The following CASKIN1 variants were observed in gnomAD, a reference collection of about 807,000 sequenced individuals.
CASKIN1 encodes CASK interacting protein 1.
A neutral mutation model predicts 117.5 loss-of-function variants in CASKIN1; 42 were observed. That is an observed-to-expected ratio of 0.36 (90% CI 0.28 to 0.46). The LOEUF (loss-of-function observed/expected upper bound fraction) is 0.46. Ranked by LOEUF, CASKIN1 falls within the 20% of genes least tolerant of loss-of-function variation. CASKIN1 has a pLI of 1.00. For synonymous variants in CASKIN1, 1,148 were observed against 961.7 expected, an observed-to-expected ratio of 1.19 and a Z score of -3.59; for missense variants, 2,083 against 2,077.3, an observed-to-expected ratio of 1.00 and a Z score of -0.05.
chr16:2,195,371 A>T (rs1008114235), intron 1 of CASKIN1, among the ~76,000 whole-genome samples: 1 of 152,060 alleles, frequency 6.6e-6, no homozygotes, highest in African/African-American at 2.4e-5. Context: ...GTGGGGGTGG[A>T]GGGAGGAGGG....
rs776739636 is a variant in CASKIN1, at chr16:2,180,307, G to A, written c.3061C>T (p.Arg1021Cys). The A allele has an allele frequency of 8.8e-6, 14 of 1,590,372 alleles. No homozygotes were observed. The highest frequency in any genetic ancestry group is 8.0e-5 in the African/African-American group (6 of 74,562). ...SSIGGGGRAA[R>C]RPPEGHPTPR... ...GTGGGGTGGCCCTCAGGAGGCCTGC[G>A]GGCAGCCCGGCCCCCACCCCCAATG... is the stretch of plus-strand genomic sequence containing the variant. Residue 1021 changes from arginine (R) to cysteine (C), a missense_variant, in exon 18 of 20, where the codon CGC becomes TGC. Physicochemically the swap from Arg to Cys is radical, Grantham distance 180. This residue lies in a region of CASKIN1 where 1,818 missense variants were observed against 1,688.9 expected (regional missense o/e 1.08). Coordinates refer to ENST00000343516, the MANE Select transcript of CASKIN1 (RefSeq NM_020764.4).
In CASKIN1 at chr16:2,186,971, T is replaced by C. The variant is rs1469847143; in HGVS notation, c.930+7A>G. 7 of 1,613,258 alleles carry C rather than the reference T, an allele frequency of 4.3e-6. No homozygotes were observed. The highest frequency in any genetic ancestry group is 1.3e-5 in the African/African-American group (1 of 74,910). ...CCTGCTGAGATGGCCCCTGGGGCCA[T>C]GCTTACTGTGATGATGTCCCCTGCC... On this transcript the variant is annotated splice_region_variant and intron_variant, in intron 9 of 19. Transcript: ENST00000343516.
chr16:2,190,455 A>G, intron 1 of CASKIN1, 97 bp from the exon 2 acceptor site: 1 of 1,105,436 alleles, frequency 9.0e-7, no homozygotes, highest in Non-Finnish European at 1.3e-6. Flanking sequence ...CCCGGCAGGC[A>G]CAAAGCTGCT....
Position 2,181,917 on chromosome 16 carries a change from C to T in CASKIN1, c.1642G>A (p.Val548Met), listed in dbSNP as rs374168893. The stretch of plus-strand genomic sequence containing the variant: ...GCCAGGCCGATCATGGACAGCCACA[C>T]GGCCAGGTTAGCCTACAGAGCAGAC... ...LPEHKPANLAVWLSMIGLAQY... is the reference protein window; with the variant it reads ...LPEHKPANLAMWLSMIGLAQY... The change falls in exon 17 of 20, where the codon GTG becomes ATG. Residue 548 changes from valine to methionine, a missense_variant. Physicochemically the swap from Val to Met is conservative, Grantham distance 21. Coordinates refer to ENST00000343516, the MANE Select transcript of CASKIN1 (RefSeq NM_020764.4). 9.9e-6 allele frequency: 16 copies of T among 1,613,554 alleles called. No homozygotes were observed. The highest frequency in any genetic ancestry group is 5.0e-5 in the Admixed American group (3 of 60,002).
Position 2,181,869 on chromosome 16 carries a change from C to T in CASKIN1, c.1690G>A (p.Asp564Asn). The T allele has an allele frequency of 6.2e-7, 1 of 1,613,846 alleles. No homozygotes were observed. The highest frequency in any genetic ancestry group is 8.5e-7 in the Non-Finnish European group (1 of 1,179,994). ...GLAQYYKVLV[D>N]NGYENIDFIT... ...AAATCAATGTTCTCGTAGCCATTGT[C>T]CACCAACACCTTGTAGTACTGGGCC... Residue 564 changes from aspartate (D) to asparagine (N), a missense_variant, in exon 17 of 20, where the codon GAC (aspartate) becomes AAC (asparagine). This residue lies in a region of CASKIN1 where 1,818 missense variants were observed against 1,688.9 expected (regional missense o/e 1.08). Transcript: ENST00000343516.
Position 2,179,213 on chromosome 16 carries a change from G to A in CASKIN1, c.3888C>T (p.Gly1296=). The change falls in exon 19 of 20, where the codon GGC becomes GGT. Residue 1296 remains glycine (G), a synonymous_variant. Transcript: ENST00000343516. The surrounding 1 kb of genome is among the most constrained non-coding windows in gnomAD (Gnocchi z 5.8). The stretch of plus-strand genomic sequence containing the variant: ...GCGCGGGCGAGGGTGCGGGTGAAGG[G>A]CCGGCGCTGCCCGAAGGCAGCCCCG... ...AVAGLPSGSA[G]PSPAPSPARQ... is the part of the protein sequence containing the mutation. The A allele has an allele frequency of 2.3e-5, 27 of 1,170,730 alleles. No individual in the cohort carries two copies. The highest frequency in any genetic ancestry group is 2.7e-5 in the Non-Finnish European group (26 of 948,896). The allele number at this position is 1,170,730 out of a possible 1,614,324, so 72.5% of individuals were successfully genotyped here.
At position 2,180,046 on chromosome 16, in the gene CASKIN1, C is replaced by T. The variant is rs1310637070; in HGVS notation, c.3322G>A (p.Ala1108Thr). ...QRPRGPSKGE[A>T]GVEGPPLAKV... is the part of the protein sequence containing the mutation. ...GCCAAGGGCGGGCCTTCGACACCCGCCTCGCCCTTGGAGGGACCCCGAGGC... is the reference window on the plus strand; with the variant it reads ...GCCAAGGGCGGGCCTTCGACACCCGTCTCGCCCTTGGAGGGACCCCGAGGC... The change falls in exon 18 of 20, where the codon GCG becomes ACG. Residue 1108 changes from alanine (A) to threonine (T), a missense_variant. Physicochemically the swap from Ala to Thr is moderately conservative, Grantham distance 58. Transcript: ENST00000343516. 2 of 1,590,398 alleles carry T rather than the reference C, an allele frequency of 1.3e-6. No individual in the cohort carries two copies. The highest frequency in any genetic ancestry group is 3.5e-5 in the Admixed American group (2 of 57,458).
chr16:2,188,387 G>A (rs1239390747), intron 6 of CASKIN1, among the ~76,000 whole-genome samples: 2 of 150,790 alleles, frequency 1.3e-5, no homozygotes, highest in East Asian at 3.9e-4. Context: ...GTCTTGCTGT[G>A]TCACCCAGGC....
At position 2,181,512 on chromosome 16, in the gene CASKIN1, C is replaced by T. The variant is rs747375054; in HGVS notation, c.1856G>A (p.Arg619His). Residue 619 changes from arginine (R) to histidine (H), a missense_variant, in exon 18 of 20, where the codon CGC becomes CAC. By Grantham distance (29) the Arg-to-His change is conservative. Around this residue, in one of 3 missense-constraint regions of CASKIN1, gnomAD observed 1,818 missense variants for 1,688.9 expected, o/e 1.08. Transcript: ENST00000343516. Reference sequence around the variant, plus strand: ...TTCAAGAGACTGGGGCGCCTTCCGGCGCAGGGGGCCCCCCTCATACTTGGC... The same window carrying T: ...TTCAAGAGACTGGGGCGCCTTCCGGTGCAGGGGGCCCCCCTCATACTTGGC... ...EYAKYEGGPL[R>H]RKAPQSLEVM... 4.4e-6 allele frequency: 7 copies of T among 1,608,420 alleles called. No individual in the cohort carries two copies. Among genetic ancestry groups the T allele is most frequent in the Non-Finnish European group, 5.9e-6 (7 of 1,178,818 alleles).
At chr16:2,183,244 G>T (rs1026633092) in intron 16 of CASKIN1, among the ~76,000 whole-genome samples, 1 of 152,198 alleles carries the variant, frequency 6.6e-6, no homozygotes, top group African/African-American at 2.4e-5. Context: ...CCTGCCAGGC[G>T]TGTGGCTGGC....
chr16:2,182,179 G>C lies in CASKIN1; in HGVS notation c.1630-250C>G, dbSNP rs943202620. On this transcript the variant is annotated intron_variant, in intron 16 of 19. Coordinates refer to ENST00000343516, the MANE Select transcript of CASKIN1 (RefSeq NM_020764.4). The surrounding 1 kb of genome is among the most constrained non-coding windows in gnomAD (Gnocchi z 4.1). ...CCCACATCCACAGGACACCCTTGTCGGGGGGGCAGAAGAAGGCACTTTCCC... is the reference window on the plus strand; with the variant it reads ...CCCACATCCACAGGACACCCTTGTCCGGGGGGCAGAAGAAGGCACTTTCCC... Among the ~76,000 whole-genome samples, 1 of 152,018 alleles carries C rather than the reference G, an allele frequency of 6.6e-6. No homozygotes were observed. Among genetic ancestry groups the C allele is most frequent in the Non-Finnish European group, 1.5e-5 (1 of 67,988 alleles).
chr16:2,183,771 G>T (rs748092377), intron 15 of CASKIN1, 24 bp from the exon 16 acceptor site: 1 of 1,612,766 alleles, frequency 6.2e-7, no homozygotes, highest in African/African-American at 1.3e-5. Flanking sequence ...AGGCTTGTCA[G>T]CTAGGGGCTG....
At chr16:2,183,772 C>G (rs2093175281) in intron 15 of CASKIN1, 25 bp from the exon 16 acceptor site, 2 of 1,612,940 alleles carry the variant, frequency 1.2e-6, no homozygotes, top group Non-Finnish European at 8.5e-7. Flanking sequence ...GGCTTGTCAG[C>G]TAGGGGCTGG....
At chr16:2,195,462 A>C (rs989934547) in intron 1 of CASKIN1, among the ~76,000 whole-genome samples, 1 of 152,214 alleles carries the variant, frequency 6.6e-6, no homozygotes, top group Non-Finnish European at 1.5e-5. Flanking sequence ...ACACGGCTAT[A>C]CGTGCGCAGC....
At position 2,178,445 on chromosome 16, in the gene CASKIN1, G is replaced by C. The variant is rs2093151462; in HGVS notation, c.*105C>G. The C allele has an allele frequency of 2.3e-6, 2 of 854,766 alleles. No homozygotes were observed. Among genetic ancestry groups the C allele is most frequent in the East Asian group, 3.4e-5 (1 of 29,144 alleles). The allele number at this position is 854,766 out of a possible 1,614,324, so 52.9% of individuals were successfully genotyped here. On this transcript the variant is annotated 3_prime_UTR_variant, in exon 20 of 20. Coordinates refer to ENST00000343516, the MANE Select transcript of CASKIN1 (RefSeq NM_020764.4). ...GGGGCCGGAGTTGTGCTTCTGCAGG[G>C]CCCTGCCCGGCCGCTCGCGCCGCGC...
Position 2,187,340 on chromosome 16 carries a change from GC to G in CASKIN1, c.726+12del. On this transcript the variant is annotated intron_variant, in intron 7 of 19. Transcript: ENST00000343516. ...AGTCCACTGGGCCCAGCGCCCCTGGGCCCCACACTCACATCCAGCAGCAGCC... is the reference window on the plus strand; with the variant it reads ...AGTCCACTGGGCCCAGCGCCCCTGGGCCCACACTCACATCCAGCAGCAGCC... 1.2e-6 allele frequency: 2 copies of G among 1,613,150 alleles called. No homozygotes were observed. Among genetic ancestry groups the G allele is most frequent in the Non-Finnish European group, 8.5e-7 (1 of 1,179,806 alleles).
rs1377427654 is a variant in CASKIN1, at chr16:2,177,562, T to C, written c.*988A>G. 4 of 236,030 alleles carry C rather than the reference T, an allele frequency of 1.7e-5. No homozygotes were observed. Among genetic ancestry groups the C allele is most frequent in the Non-Finnish European group, 3.3e-5 (4 of 119,908 alleles). The allele number at this position is 236,030 out of a possible 1,614,324, so 14.6% of individuals were successfully genotyped here. On this transcript the variant is annotated 3_prime_UTR_variant, in exon 20 of 20. Transcript: ENST00000343516. ...GCGAGAATGACCACACAACACAGCC[T>C]TGGACCATGAGCAGAAGCGTCCGTG...
At chr16:2,178,819 CCGAGCCCCGCCCA>C (rs2093154979) in intron 19 of CASKIN1, 70 bp downstream of exon 19, 4 of 1,325,924 alleles carry the variant, frequency 3.0e-6, no homozygotes, top group African/African-American at 1.7e-5. Flanking sequence ...CCCATCTCTG[CCGAGCCCCGCCCA>C]TCTCTGCCGA....
rs1441867078 is a variant in CASKIN1 at position 2,189,508 on chromosome 16, C to T, written c.301G>A (p.Val101Met). The T allele has an allele frequency of 1.9e-5, 31 of 1,612,046 alleles. No homozygotes were observed. Among genetic ancestry groups the T allele is most frequent in the Non-Finnish European group, 2.3e-5 (27 of 1,179,820 alleles). ...TTCACGGCCGAGCCCGCCTTCAGCA[C>T]CAGCTTCATGGGCTCCTTCCGGCCC... ...WQGRKEPMKL[V>M]LKAGSAVNIP... The change falls in exon 4 of 20, where the codon GTG becomes ATG. Residue 101 changes from valine to methionine, a missense_variant. Transcript: ENST00000343516.
Sources: gnomAD v4.1 joint callset for allele counts (sites outside exome capture counted in the v4.1 genomes callset) on GRCh38, gnomAD v4.1.1 for gene constraint, gnomAD v4.1.1 regional missense constraint, Gnocchi (gnomAD v3.1) non-coding constraint, MANE v1.5 for transcripts, NCBI Gene and HGNC (gene_info 2026-07-23, HGNC 2026-07-21) for gene names.